Variants in ARHGAP27 observed in about 807,000 individuals in gnomAD.
The protein encoded by ARHGAP27 is rho GTPase-activating protein 27.
ARHGAP27 carries 53 observed loss-of-function variants against 102.0 expected under a neutral mutation model. That is an observed-to-expected ratio of 0.52 (90% confidence interval 0.42 to 0.65). The LOEUF is 0.65. Among genes scored for constraint, ARHGAP27 ranks in the 30% least tolerant of loss-of-function variants. The pLI, the probability that ARHGAP27 is intolerant of heterozygous loss-of-function variation, is 0.00. For synonymous variants in ARHGAP27, 525 were observed against 542.8 expected (o/e 0.97, Z 0.46); for missense variants, 1,117 against 1,256.2 (o/e 0.89, Z 1.68).
At chr17:45,417,907 A>G (rs1312488957) in intron 4 of ARHGAP27, among the ~76,000 whole-genome samples, 4 of 151,930 alleles carry the variant, frequency 2.6e-5, no homozygotes, top group African/African-American at 9.7e-5. Context: ...TAAAAAAATT[A>G]GCCGGGCACA....
chr17:45,427,779 T>G lies in ARHGAP27; in HGVS notation c.657+1844A>C, dbSNP rs536697575. Among the ~76,000 whole-genome samples, 1 of 152,104 alleles carries G rather than the reference T, an allele frequency of 6.6e-6. No homozygotes were observed. The highest frequency in any genetic ancestry group is 1.5e-5 in the Non-Finnish European group (1 of 68,004). On this transcript the variant is annotated intron_variant, in intron 4 of 19. Coordinates refer to ENST00000685559, the MANE Select transcript of ARHGAP27 (RefSeq NM_001282290.2). This position sits in a 1 kb window ranked among gnomAD's most constrained non-coding sequence, Gnocchi z 4.5. ...GCCTGTCTCTGGCCAATGTCCTAGA[T>G]TCCCCCCCTGGGTAAGTCCCCTACC... is the stretch of plus-strand genomic sequence containing the variant.
intron 4 of ARHGAP27, among the ~76,000 whole-genome samples, chr17:45,412,966 T>C (rs1471285816): frequency 1.6e-5 from 1 of 60,834 alleles, no homozygotes; most frequent in Non-Finnish European, 3.6e-5. Flanking sequence ...TATAATCTTT[T>C]TTTTTTTTTT....
rs755803083 is a variant in ARHGAP27 at position 45,396,559 on chromosome 17, C to T, written c.2101G>A (p.Ala701Thr). The change falls in exon 16 of 20, where the codon GCG (alanine) becomes ACG (threonine). Residue 701 changes from alanine to threonine, a missense_variant. By Grantham distance (58) the Ala-to-Thr change is moderately conservative. Transcript: ENST00000685559. Reference sequence around the variant, plus strand: ...CGGCTCCTCTCGCGCTCACACAGCGCGGCCAGCGCGCAGCCGAACACCTGG... The same window carrying T: ...CGGCTCCTCTCGCGCTCACACAGCGTGGCCAGCGCGCAGCCGAACACCTGG... ...KDQVFGCALA[A>T]LCERERSRVP... 4.5e-5 allele frequency: 72 copies of T among 1,600,908 alleles called. No homozygotes were observed. The highest frequency in any genetic ancestry group is 5.7e-5 in the Non-Finnish European group (67 of 1,176,968).
At position 45,430,098 on chromosome 17, in the gene ARHGAP27, G is replaced by C; in HGVS notation, c.182C>G (p.Ala61Gly). Residue 61 changes from alanine to glycine, a missense_variant, in exon 4 of 20, where the codon GCG (alanine) becomes GGG (glycine). By Grantham distance (60) the Ala-to-Gly change is moderately conservative. Coordinates refer to ENST00000685559, the MANE Select transcript of ARHGAP27 (RefSeq NM_001282290.2). This position sits in a 1 kb window ranked among gnomAD's most constrained non-coding sequence, Gnocchi z 4.4. ...CGCGGGCAGCTCGCGCACGTACTGC[G>C]CAGGCAGGTAGAAGGGGCGGCCGCC... The part of the protein sequence containing the change: ...EPGGRPFYLP[A>G]QYVRELPALG... 7 of 1,509,654 alleles carry C rather than the reference G, an allele frequency of 4.6e-6. No individual in the cohort carries two copies. The highest frequency in any genetic ancestry group is 6.2e-6 in the Non-Finnish European group (7 of 1,136,462). 93.5% of individuals were successfully genotyped at this position (1,509,654 alleles called of 1,614,324 possible). A position where few individuals can be genotyped will look rare whatever the true frequency, so the allele number is the denominator to read the frequency against.
At chr17:45,411,164 C>A (rs2047866066) in intron 4 of ARHGAP27, among the ~76,000 whole-genome samples, 1 of 152,070 alleles carries the variant, frequency 6.6e-6, no homozygotes, top group Non-Finnish European at 1.5e-5. Flanking sequence ...TTCTTCCTGG[C>A]CTCTCTTCCC....
Position 45,400,674 on chromosome 17 carries a change from GGAGGCCAAGGCAGGTAAATCACCT to G in ARHGAP27, c.1743+2016_1743+2039del, listed in dbSNP as rs1212716014. 7.2e-5 allele frequency among the ~76,000 whole-genome samples: 11 copies of G among 152,206 alleles called. No homozygotes were observed. In the South Asian group the frequency reaches 2.1e-3, roughly 29 times the overall value. ...TCACACCTGTAATCCCAGCACTTTG[GGAGGCCAAGGCAGGTAAATCACCT>G]GAGGCCAGTAGATTGAGACCATCCT... On this transcript the variant is annotated intron_variant, in intron 12 of 19. Transcript: ENST00000685559.
chr17:45,419,161 C>T (rs1168880670), intron 4 of ARHGAP27, among the ~76,000 whole-genome samples: 2 of 147,292 alleles, frequency 1.4e-5, no homozygotes, highest in Non-Finnish European at 2.9e-5. Flanking sequence ...CATCACAGGT[C>T]ATGGGGAAAG....
chr17:45,404,391 C>T (rs1432420352), intron 8 of ARHGAP27, 54 bp downstream of exon 8: 2 of 1,613,502 alleles, frequency 1.2e-6, no homozygotes, highest in African/African-American at 2.7e-5. Context: ...ACTCCAGAAG[C>T]CCCCCACTGC....
At position 45,430,830 on chromosome 17, in the gene ARHGAP27, G is replaced by A. The variant is rs1443405255; in HGVS notation, c.-18-533C>T. Among the ~76,000 whole-genome samples, 1 of 152,144 alleles carries A rather than the reference G, an allele frequency of 6.6e-6. No homozygotes were observed. Among genetic ancestry groups the A allele is most frequent in the Non-Finnish European group, 1.5e-5 (1 of 68,010 alleles). ...CTTGCGCCCCGACCCCCTGGTCAGA[G>A]TTGGAATGTGGGCTCTGTAGGGGGC... is the stretch of plus-strand genomic sequence containing the variant. On this transcript the variant is annotated intron_variant, in intron 3 of 19. Coordinates refer to ENST00000685559, the MANE Select transcript of ARHGAP27 (RefSeq NM_001282290.2). The surrounding 1 kb of genome is among the most constrained non-coding windows in gnomAD (Gnocchi z 4.4).
intron 4 of ARHGAP27, among the ~76,000 whole-genome samples, chr17:45,425,092 G>A (rs528740868): frequency 6.6e-6 from 1 of 152,238 alleles, no homozygotes; most frequent in African/African-American, 2.4e-5. Context: ...AGAAGCTGCT[G>A]TCTCCTAAGT....
chr17:45,416,793 C>T (rs1465701177), intron 4 of ARHGAP27, among the ~76,000 whole-genome samples: 4 of 150,614 alleles, frequency 2.7e-5, no homozygotes, highest in East Asian at 2.0e-4. Flanking sequence ...GTGATTCACC[C>T]GCCTCAGCCT....
intron 4 of ARHGAP27, among the ~76,000 whole-genome samples, chr17:45,417,462 T>C (rs917294461): frequency 3.6e-5 from 5 of 139,888 alleles, no homozygotes; most frequent in Non-Finnish European, 7.7e-5. Context: ...AGACTCAGTA[T>C]CAAAAAAAAA....
At chr17:45,418,828 GA>G (rs2048739056) in intron 4 of ARHGAP27, among the ~76,000 whole-genome samples, 1 of 152,176 alleles carries the variant, frequency 6.6e-6, no homozygotes, top group Non-Finnish European at 1.5e-5. Context: ...TTGAGCCCAG[GA>G]GCTGAGGAGG....
intron 4 of ARHGAP27, among the ~76,000 whole-genome samples, chr17:45,420,149 G>T (rs1401477151): frequency 6.6e-6 from 1 of 152,118 alleles, no homozygotes; most frequent in Non-Finnish European, 1.5e-5. Context: ...TGACATTGTT[G>T]TAACAGCAAA....
chr17:45,396,238 G>T lies in ARHGAP27; in HGVS notation c.2220C>A (p.Thr740=). ...CCACCTTATAGCGTAGCTTCTGGAT[G>T]GTGGCCAGGTTTCCACTGATGCGGT... is the stretch of plus-strand genomic sequence containing the variant. ...GLYRISGNLA[T]IQKLRYKVDH... is the part of the protein sequence containing the mutation. Residue 740 remains threonine (T), a synonymous_variant, in exon 17 of 20, where the codon ACC becomes ACA. Transcript: ENST00000685559. 1 of 1,613,586 alleles carries T rather than the reference G, an allele frequency of 6.2e-7. No homozygotes were observed.
rs1257546718 is a variant in ARHGAP27 at position 45,395,811 on chromosome 17, C to T, written c.2425G>A (p.Asp809Asn). Residue 809 changes from aspartate to asparagine, a missense_variant, in exon 19 of 20, where the codon GAC becomes AAC. Physicochemically the swap from Asp to Asn is conservative, Grantham distance 23 (BLOSUM62 1). This residue lies in a region of ARHGAP27 where 493 missense variants were observed against 505.5 expected (regional missense o/e 0.98). Transcript: ENST00000685559. ...GGAGCGGGCAGCGAGCGCACCAAGT[C>T]ACGCACACAGCGGCTGCGCCGGGCC... ...DQARRSRCVR[D>N]LVRSLPAPNH... is the part of the protein sequence containing the mutation. 1.9e-6 allele frequency: 3 copies of T among 1,606,506 alleles called. No individual in the cohort carries two copies. Among genetic ancestry groups the T allele is most frequent in the Non-Finnish European group, 2.5e-6 (3 of 1,177,500 alleles).
chr17:45,414,105 CAA>C (rs11311214), intron 4 of ARHGAP27, among the ~76,000 whole-genome samples: 52 of 142,936 alleles, frequency 3.6e-4, no homozygotes, highest in Admixed American at 3.4e-4. Context: ...GACTCCATCT[CAA>C]AAAAAAAAAA....
Position 45,427,685 on chromosome 17 carries a change from G to A in ARHGAP27, c.657+1938C>T, listed in dbSNP as rs899477256. Reference sequence around the variant, plus strand: ...GGAACGTGGTATTATTGCACACATCGCACAGGGGAGGAAACAGGACCAGAG... The same window carrying A: ...GGAACGTGGTATTATTGCACACATCACACAGGGGAGGAAACAGGACCAGAG... On this transcript the variant is annotated intron_variant, in intron 4 of 19. Transcript: ENST00000685559. The surrounding 1 kb of genome is among the most constrained non-coding windows in gnomAD (Gnocchi z 4.5). 2.0e-5 allele frequency among the ~76,000 whole-genome samples: 3 copies of A among 152,182 alleles called. No individual in the cohort carries two copies. Among genetic ancestry groups the A allele is most frequent in the South Asian group, 2.1e-4 (1 of 4,832 alleles).
At chr17:45,410,662 C>G (rs959560897) in intron 4 of ARHGAP27, among the ~76,000 whole-genome samples, 10 of 152,136 alleles carry the variant, frequency 6.6e-5, no homozygotes, top group African/African-American at 2.2e-4. Flanking sequence ...CACGGCTGAG[C>G]CTGTGGGGGA....
Sources: allele counts gnomAD v4.1 joint callset (sites outside exome capture counted in the v4.1 genomes callset), GRCh38; gene constraint gnomAD v4.1.1; regional missense constraint gnomAD v4.1.1; non-coding constraint Gnocchi (gnomAD v3.1); transcripts MANE v1.5; gene names NCBI Gene and HGNC (gene_info 2026-07-23, HGNC 2026-07-21).